Variants in MOXD1 observed in about 807,000 individuals in gnomAD.
The protein encoded by MOXD1 is monooxygenase DBH like 1, also known as DBH-like monooxygenase protein 1.
In MOXD1, 62 loss-of-function variants were observed where a neutral mutation model predicts 66.6. That is an observed-to-expected ratio of 0.93 (90% CI 0.76 to 1.15). The LOEUF (loss-of-function observed/expected upper bound fraction) is 1.15, where lower values mean the gene tolerates loss of function less well. MOXD1 is among the 50% of genes most tolerant of loss of function. The probability of loss-of-function intolerance (pLI) is 0.00; values close to 1 mark genes in which losing one functional copy is unlikely to be tolerated. For missense variants in MOXD1, 847 were observed against 754.6 expected, an observed-to-expected ratio of 1.12 and a Z score of -1.44; for synonymous variants, 303 against 281.9, an observed-to-expected ratio of 1.07 and a Z score of -0.75.
intron 2 of MOXD1, among the ~76,000 whole-genome samples, chr6:132,373,644 G>T (rs1776315101): frequency 6.6e-6 from 1 of 152,164 alleles, no homozygotes; most frequent in Non-Finnish European, 1.5e-5. Context: ...GATGAAATCG[G>T]TTTCCATTGA....
At chr6:132,353,212 G>GT (rs956321953) in intron 4 of MOXD1, among the ~76,000 whole-genome samples, 1 of 151,934 alleles carries the variant, frequency 6.6e-6, no homozygotes, top group Non-Finnish European at 1.5e-5. Context: ...TGGATTTTTT[G>GT]TTTTTTGTTT....
chr6:132,315,746 A>G lies in MOXD1; in HGVS notation c.1397T>C (p.Leu466Pro), dbSNP rs531459123. 1.9e-6 allele frequency: 3 copies of G among 1,613,628 alleles called. No individual in the cohort carries two copies. The highest frequency in any genetic ancestry group is 1.7e-5 in the Admixed American group (1 of 59,986). The change falls in exon 10 of 12, where the codon CTC becomes CCC. Residue 466 changes from leucine to proline, a missense_variant. By Grantham distance (98) the Leu-to-Pro change is moderately conservative (BLOSUM62 -3). Transcript: ENST00000367963. ...TCTTGGGTAATAAAGAAGGTATGAGAGACACATTTCACTCCTGGTGCTTAG... is the reference window on the plus strand; with the variant it reads ...TCTTGGGTAATAAAGAAGGTATGAGGGACACATTTCACTCCTGGTGCTTAG... ...GGLSTRSEMC[L>P]SYLLYYPRIN...
rs185277645 is a variant in MOXD1 at position 132,297,763 on chromosome 6, T to A, written c.1677+24A>T. The A allele has an allele frequency of 1.7e-5, 26 of 1,569,788 alleles. 1 individual carries two copies. In the Admixed American group the frequency reaches 3.6e-4, roughly 22 times the overall value. On this transcript the variant is annotated intron_variant, in intron 11 of 11. Transcript: ENST00000367963. ...TTCAGATAAAATGTGTCATCTGGGT[T>A]GTCAGAGGTTAAAAAGAGCTTACCG...
chr6:132,336,024 C>T (rs1440210708), intron 4 of MOXD1, among the ~76,000 whole-genome samples: 3 of 152,170 alleles, frequency 2.0e-5, no homozygotes, highest in African/African-American at 7.2e-5. Context: ...TTACTAGCGC[C>T]CTTTTGAACA....
At chr6:132,316,623 G>T (rs1774964958) in intron 9 of MOXD1, among the ~76,000 whole-genome samples, 1 of 152,040 alleles carries the variant, frequency 6.6e-6, no homozygotes, top group South Asian at 2.1e-4. Flanking sequence ...CACAGGATAA[G>T]CTCAACAGCA....
chr6:132,346,959 T>G (rs1191690165), intron 4 of MOXD1, among the ~76,000 whole-genome samples: 1 of 152,192 alleles, frequency 6.6e-6, no homozygotes, highest in Non-Finnish European at 1.5e-5. Context: ...TAAGCCACAA[T>G]TGGATCAATT....
chr6:132,320,445 T>C (rs927855766), intron 9 of MOXD1, among the ~76,000 whole-genome samples, 184 bp downstream of exon 9: 3 of 152,214 alleles, frequency 2.0e-5, no homozygotes, highest in Non-Finnish European at 4.4e-5. Context: ...ATAATATCAT[T>C]AGTTAATTTG....
intron 4 of MOXD1, among the ~76,000 whole-genome samples, chr6:132,340,571 A>C (rs1292402183): frequency 6.6e-6 from 1 of 151,270 alleles, no homozygotes; most frequent in African/African-American, 2.4e-5. Flanking sequence ...TGGTTCTATA[A>C]TGTGCTTGAA....
chr6:132,373,092 A>C, intron 2 of MOXD1, 95 bp from the exon 3 acceptor site: 1 of 1,173,000 alleles, frequency 8.5e-7, no homozygotes, highest in Non-Finnish European at 1.2e-6. Flanking sequence ...CAAGATATAG[A>C]AGTGAAGAAA....
Position 132,341,500 on chromosome 6 carries a change from G to T in MOXD1, c.664-12906C>A, listed in dbSNP as rs140451513. ...CCCAAGCAGATGATCTTCCCAAATC[G>T]CACTTTTCACCTTGTTAATCTGACC... On this transcript the variant is annotated intron_variant, in intron 4 of 11. Transcript: ENST00000367963. 2.0e-5 allele frequency among the ~76,000 whole-genome samples: 3 copies of T among 152,098 alleles called. No homozygotes were observed. The South Asian group carries it at 6.2e-4, about 32-fold the overall frequency.
At chr6:132,308,875 T>G (rs1301063278) in intron 10 of MOXD1, among the ~76,000 whole-genome samples, 1 of 152,130 alleles carries the variant, frequency 6.6e-6, no homozygotes, top group Non-Finnish European at 1.5e-5. Context: ...TATCTCAAAA[T>G]AATAAGAGCT....
At chr6:132,396,665 TA>T (rs774257693) in intron 1 of MOXD1, among the ~76,000 whole-genome samples, 3 of 151,706 alleles carry the variant, frequency 2.0e-5, no homozygotes, top group African/African-American at 7.3e-5. Context: ...AATACCCACA[TA>T]AAATCAAAAA....
At chr6:132,378,088 G>T (rs914417210) in intron 1 of MOXD1, among the ~76,000 whole-genome samples, 1 of 151,918 alleles carries the variant, frequency 6.6e-6, no homozygotes, top group Non-Finnish European at 1.5e-5. Flanking sequence ...AACCAAGTTT[G>T]CGCCATTGCA....
rs563425278 is a variant in MOXD1 at position 132,364,412 on chromosome 6, C to T, written c.663+8196G>A. 5.3e-5 allele frequency among the ~76,000 whole-genome samples: 8 copies of T among 152,218 alleles called. No homozygotes were observed. In the East Asian group the frequency reaches 9.7e-4, roughly 18 times the overall value. ...TTCAAGGGAAGAAAACAAGCAATGA[C>T]GAGCCTATTATGCAACAGGTGTTTT... is the stretch of plus-strand genomic sequence containing the variant. On this transcript the variant is annotated intron_variant, in intron 4 of 11. Transcript: ENST00000367963.
intron 10 of MOXD1, among the ~76,000 whole-genome samples, chr6:132,311,727 T>G (rs993427007): frequency 8.4e-6 from 1 of 118,700 alleles, no homozygotes; most frequent in African/African-American, 4.3e-5. Context: ...ATTGTAATCT[T>G]GTAACAGTAT....
chr6:132,316,686 A>G (rs1317138790), intron 9 of MOXD1, among the ~76,000 whole-genome samples: 2 of 152,148 alleles, frequency 1.3e-5, no homozygotes, highest in African/African-American at 4.8e-5. Flanking sequence ...AATCAATAGA[A>G]ATTGTCCTAT....
rs1776754885 is a variant in MOXD1, at chr6:132,391,258, CAAT to C, written c.264+9902_264+9904del. 2 of 145,190 alleles carry C rather than the reference CAAT, an allele frequency of 1.4e-5. 1 individual carries two copies. The highest frequency in any genetic ancestry group is 4.7e-4 in the South Asian group (2 of 4,294). 9.0% of individuals were successfully genotyped at this position (145,190 alleles called of 1,614,324 possible). ...AAAGAATGGCGTCAAGATTTTCTCA[CAAT>C]GTTTGGCTAAATTAGATGAATAAGA... On this transcript the variant is annotated intron_variant, in intron 1 of 11. Transcript: ENST00000367963.
intron 1 of MOXD1, among the ~76,000 whole-genome samples, chr6:132,383,805 C>T (rs147977319): frequency 0.021 from 3,151 of 152,214 alleles, 60 homozygotes; most frequent in South Asian, 0.057. Flanking sequence ...TGCAGTGGCT[C>T]GCACCTGTAA....
At chr6:132,335,655 C>A (rs1455512867) in intron 4 of MOXD1, among the ~76,000 whole-genome samples, 1 of 152,180 alleles carries the variant, frequency 6.6e-6, no homozygotes, top group Non-Finnish European at 1.5e-5. Context: ...GACTCCTGAT[C>A]TCCAGAGCTG....
Sources: allele counts gnomAD v4.1 joint callset (sites outside exome capture counted in the v4.1 genomes callset), GRCh38; gene constraint gnomAD v4.1.1; transcripts MANE v1.5; gene names NCBI Gene and HGNC (gene_info 2026-07-23, HGNC 2026-07-21).